Variants in TRDN observed in about 807,000 individuals in gnomAD.
TRDN encodes triadin, also known as triadin in skeletal muscle.
A neutral mutation model predicts 149.7 loss-of-function variants in TRDN; 161 were observed. That is an observed-to-expected ratio of 1.08 (90% CI 0.95 to 1.23). The LOEUF is 1.23. Ranked by LOEUF, TRDN falls within the 50% of genes most tolerant of loss-of-function variation. The pLI, the probability that TRDN is intolerant of heterozygous loss-of-function variation, is 0.00. For missense variants in TRDN, 896 were observed against 823.5 expected (o/e 1.09, Z -1.08); for synonymous variants, 294 against 250.5 (o/e 1.17, Z -1.64).
intron 2 of TRDN, among the ~76,000 whole-genome samples, chr6:123,569,089 A>G (rs1308863814): frequency 6.6e-6 from 1 of 152,138 alleles, no homozygotes; most frequent in Non-Finnish European, 1.5e-5. Context: ...GCCAGGCTAC[A>G]TCTTGAATGT....
chr6:123,229,383 T>C (rs1775510517), intron 38 of TRDN, among the ~76,000 whole-genome samples: 1 of 152,034 alleles, frequency 6.6e-6, no homozygotes, highest in Non-Finnish European at 1.5e-5. Flanking sequence ...TATTTTCTGG[T>C]TAACTGAAGG....
In TRDN at chr6:123,221,441, T is replaced by C. The variant is rs759331640; in HGVS notation, c.2050+46A>G. The stretch of plus-strand genomic sequence containing the variant: ...AACATTTTTACATAGATGTAGCATC[T>C]TTAATACAGAATGATTTATTACTTT... On this transcript the variant is annotated intron_variant, in intron 40 of 40. Coordinates refer to ENST00000334268, the MANE Select transcript of TRDN (RefSeq NM_006073.4). 3.6e-6 allele frequency: 5 copies of C among 1,407,572 alleles called. No homozygotes were observed. In the South Asian group the frequency reaches 5.2e-5, roughly 15 times the overall value. 87.2% of individuals were successfully genotyped at this position (1,407,572 alleles called of 1,614,324 possible).
chr6:123,498,544 G>C (rs542329068), intron 8 of TRDN: 39 of 471,060 alleles, frequency 8.3e-5, no homozygotes, highest in Middle Eastern at 6.5e-4. Flanking sequence ...GAGAGGTAGG[G>C]AATGGGAAGG....
chr6:123,331,876 T>A lies in TRDN; in HGVS notation c.1471+3A>T, dbSNP rs888297402. ...GGCTTCACATTTCATTGTATAATAT[T>A]ACCTTTTTCCTTTAGGGAAGCTGGA... On this transcript the variant is annotated splice_donor_region_variant and intron_variant, in intron 23 of 40. Transcript: ENST00000334268. The A allele has an allele frequency of 5.9e-6, 9 of 1,537,128 alleles. No homozygotes were observed. The highest frequency in any genetic ancestry group is 7.9e-6 in the Non-Finnish European group (9 of 1,137,690).
At chr6:123,327,273 C>A (rs1200739826) in intron 23 of TRDN, among the ~76,000 whole-genome samples, 1 of 151,912 alleles carries the variant, frequency 6.6e-6, no homozygotes, top group South Asian at 2.1e-4. Flanking sequence ...TTAATTAAAG[C>A]AATTCTATAA....
chr6:123,398,532 A>T (rs1772829234), intron 12 of TRDN, among the ~76,000 whole-genome samples: 2 of 152,228 alleles, frequency 1.3e-5, no homozygotes, highest in African/African-American at 4.8e-5. Context: ...TCAAATTCTA[A>T]GTTATTGTTT....
intron 5 of TRDN, among the ~76,000 whole-genome samples, chr6:123,519,076 A>T (rs987089479): frequency 2.6e-4 from 40 of 152,322 alleles, no homozygotes; most frequent in African/African-American, 9.4e-4. Context: ...TTGGCAAGTT[A>T]TATCTTAGCC....
intron 26 of TRDN, 69 bp downstream of exon 26, chr6:123,278,249 G>A (rs1777447199): frequency 1.9e-6 from 2 of 1,069,542 alleles, no homozygotes; most frequent in East Asian, 3.8e-5. Context: ...CATGACATTT[G>A]CAAAGAGATA....
chr6:123,604,542 A>G (rs1201384259), intron 1 of TRDN, among the ~76,000 whole-genome samples: 1 of 152,200 alleles, frequency 6.6e-6, no homozygotes, highest in Non-Finnish European at 1.5e-5. Context: ...TGGAAAGCTT[A>G]TTTAAACAGC....
At chr6:123,544,432 C>G (rs1382842336) in intron 4 of TRDN, among the ~76,000 whole-genome samples, 4 of 151,972 alleles carry the variant, frequency 2.6e-5, no homozygotes, top group Admixed American at 2.6e-4. Context: ...TCAAGCAGAT[C>G]AATTTTAGGA....
intron 33 of TRDN, among the ~76,000 whole-genome samples, chr6:123,261,879 C>G (rs929653974): frequency 1.3e-5 from 2 of 151,900 alleles, no homozygotes; most frequent in Non-Finnish European, 2.9e-5. Context: ...AGCCTAAAGG[C>G]TGTACTTAAT....
chr6:123,621,473 T>C (rs1191896159), intron 1 of TRDN, among the ~76,000 whole-genome samples: 1 of 152,046 alleles, frequency 6.6e-6, no homozygotes, highest in East Asian at 1.9e-4. Context: ...GAATAATAGA[T>C]ATTAAAACTA....
At chr6:123,335,948 C>G (rs78546041) in intron 22 of TRDN, among the ~76,000 whole-genome samples, 1 of 151,912 alleles carries the variant, frequency 6.6e-6, no homozygotes, top group South Asian at 2.1e-4. Flanking sequence ...TTTTTATTGA[C>G]TTTCATATTA....
At chr6:123,288,819 G>C (rs368537289) in intron 24 of TRDN, among the ~76,000 whole-genome samples, 4 of 151,734 alleles carry the variant, frequency 2.6e-5, no homozygotes, top group African/African-American at 7.3e-5. Flanking sequence ...TAGCATGAAG[G>C]CTCCTCAAAA....
At chr6:123,523,908 T>TAA (rs1779810959) in intron 5 of TRDN, among the ~76,000 whole-genome samples, 2 of 152,094 alleles carry the variant, frequency 1.3e-5, no homozygotes, top group East Asian at 3.9e-4. Flanking sequence ...ACTCATTATC[T>TAA]AAAACACTGG....
chr6:123,326,947 C>T (rs1213488795), intron 23 of TRDN, among the ~76,000 whole-genome samples: 1 of 152,012 alleles, frequency 6.6e-6, no homozygotes, highest in African/African-American at 2.4e-5. Context: ...TCTTCCTCTT[C>T]TGGATTTGCT....
intron 39 of TRDN, 40 bp downstream of exon 39, chr6:123,224,053 G>A: frequency 1.3e-6 from 2 of 1,564,292 alleles, no homozygotes; most frequent in Non-Finnish European, 8.7e-7. Context: ...TTATAGCTTT[G>A]AGAGAAAACT....
At chr6:123,547,855 TG>T (rs1263082285) in intron 3 of TRDN, among the ~76,000 whole-genome samples, 1 of 151,978 alleles carries the variant, frequency 6.6e-6, no homozygotes, top group African/African-American at 2.4e-5. Flanking sequence ...AGCTTTTATG[TG>T]GTTTGAGATG....
At chr6:123,602,113 C>A (rs1451797423) in intron 1 of TRDN, among the ~76,000 whole-genome samples, 1 of 152,090 alleles carries the variant, frequency 6.6e-6, no homozygotes, top group Non-Finnish European at 1.5e-5. Flanking sequence ...CGTTTACATT[C>A]TAGTGAGGAG....
Sources: allele counts gnomAD v4.1 joint callset (sites outside exome capture counted in the v4.1 genomes callset), GRCh38; gene constraint gnomAD v4.1.1; transcripts MANE v1.5; gene names NCBI Gene and HGNC (gene_info 2026-07-23, HGNC 2026-07-21).